The following ITGB6 variants were observed in gnomAD, a reference collection of about 807,000 sequenced individuals.
ITGB6 encodes the protein integrin beta-6.
In ITGB6, 80 loss-of-function variants were observed where a neutral mutation model predicts 84.5. That is an observed-to-expected ratio of 0.95 (90% CI 0.79 to 1.14). The LOEUF is 1.14. ITGB6 is among the 50% of genes most tolerant of loss of function. ITGB6 has a pLI of 0.00. For missense variants in ITGB6, 1,006 were observed against 968.0 expected (o/e 1.04, Z -0.52); for synonymous variants, 383 against 354.9 (o/e 1.08, Z -0.89).
intron 10 of ITGB6, among the ~76,000 whole-genome samples, chr2:160,130,423 T>C (rs1574064048): frequency 6.6e-6 from 1 of 152,128 alleles, no homozygotes; most frequent in East Asian, 1.9e-4. Flanking sequence ...ATAAACTCAT[T>C]GTAAAATGTA....
chr2:160,124,593 T>A (rs570295761), intron 11 of ITGB6, among the ~76,000 whole-genome samples: 7 of 152,232 alleles, frequency 4.6e-5, no homozygotes, highest in Non-Finnish European at 1.0e-4. Flanking sequence ...AATCTTGTGC[T>A]GAAAATCACT....
chr2:160,158,674 G>C (rs1307552207), intron 7 of ITGB6, among the ~76,000 whole-genome samples: 1 of 152,190 alleles, frequency 6.6e-6, no homozygotes, highest in African/African-American at 2.4e-5. Context: ...TGACTAGTAG[G>C]AAGAAAATGA....
intron 7 of ITGB6, among the ~76,000 whole-genome samples, chr2:160,147,245 C>T (rs1220811230): frequency 1.3e-5 from 2 of 152,118 alleles, no homozygotes; most frequent in African/African-American, 4.8e-5. Context: ...GCCTCCCAGT[C>T]ATTACTCCTC....
chr2:160,141,950 G>A (rs369670183), intron 8 of ITGB6, 32 bp downstream of exon 8: 44 of 1,360,994 alleles, frequency 3.2e-5, no homozygotes, highest in African/African-American at 3.2e-4. Context: ...CCAAAGAAAT[G>A]CAAAAAAGAA....
intron 4 of ITGB6, chr2:160,179,110 C>T (rs1574127269): frequency 1.3e-5 from 2 of 152,048 alleles, no homozygotes; most frequent in East Asian, 3.9e-4. Context: ...ATTTAAAATG[C>T]AAAATAATGA....
At chr2:160,165,925 G>A (rs1684984245) in intron 7 of ITGB6, among the ~76,000 whole-genome samples, 1 of 152,222 alleles carries the variant, frequency 6.6e-6, no homozygotes, top group Non-Finnish European at 1.5e-5. Context: ...ATCTTAACAA[G>A]TGCTTGTCAC....
chr2:160,123,631 T>C (rs376308633), intron 12 of ITGB6, among the ~76,000 whole-genome samples, 160 bp downstream of exon 12: 1 of 152,150 alleles, frequency 6.6e-6, no homozygotes, highest in Admixed American at 6.5e-5. Flanking sequence ...TTTCTAGTCT[T>C]ATAGGATGCA....
At chr2:160,199,981 T>TA (rs1481644724) in intron 1 of ITGB6, 22 bp downstream of exon 1, 1 of 1,588,232 alleles carries the variant, frequency 6.3e-7, no homozygotes, top group East Asian at 2.2e-5. Context: ...GAAAGTAATA[T>TA]ATCAGAGAAC....
chr2:160,135,041 G>A (rs1683645321), intron 10 of ITGB6, among the ~76,000 whole-genome samples: 1 of 152,192 alleles, frequency 6.6e-6, no homozygotes, highest in South Asian at 2.1e-4. Context: ...CATAGTGTTG[G>A]AAGTTCTGGT....
At chr2:160,133,745 C>A (rs561064793) in intron 10 of ITGB6, among the ~76,000 whole-genome samples, 13 of 152,028 alleles carry the variant, frequency 8.6e-5, no homozygotes, top group African/African-American at 2.2e-4. Flanking sequence ...CTCAGGATTA[C>A]GAAACTCACT....
intron 3 of ITGB6, 23 bp from the exon 4 acceptor site, chr2:160,195,638 C>A (rs756688666): frequency 6.2e-7 from 1 of 1,612,318 alleles, no homozygotes; most frequent in Non-Finnish European, 8.5e-7. Flanking sequence ...ACAGGAAAAG[C>A]AAACCCAGGA....
intron 10 of ITGB6, among the ~76,000 whole-genome samples, chr2:160,135,558 T>A (rs10211552): frequency 0.022 from 3,309 of 150,598 alleles, 78 homozygotes; most frequent in African/African-American, 0.049. Context: ...AACTACTTTA[T>A]AGTTCATATG....
Position 160,172,599 on chromosome 2 carries a change from G to T in ITGB6, c.891C>A (p.Ser297Arg), listed in dbSNP as rs768415795. Residue 297 changes from serine (S) to arginine (R), a missense_variant, in exon 6 of 15, where the codon AGC becomes AGA. Physicochemically the swap from Ser to Arg is moderately radical, Grantham distance 110 (BLOSUM62 -1). Coordinates refer to ENST00000283249, the MANE Select transcript of ITGB6 (RefSeq NM_000888.5). ...IPNDGLCHLDSKNEYSMSTVL... is the reference protein window; with the variant it reads ...IPNDGLCHLDRKNEYSMSTVL... ...CAGTTGACATGGAGTATTCATTCTT[G>T]CTGTCCAAGTGACAGAGCCCGTCAT... The T allele has an allele frequency of 2.3e-5, 37 of 1,609,302 alleles. No homozygotes were observed. The East Asian group carries it at 8.3e-4, about 36-fold the overall frequency.
In ITGB6 at chr2:160,200,040, C is replaced by A. The variant is rs758474061; in HGVS notation, c.24G>T (p.Leu8=). Residue 8 remains leucine (L), a synonymous_variant, in exon 1 of 15, where the codon CTG becomes CTT. Coordinates refer to ENST00000283249, the MANE Select transcript of ITGB6 (RefSeq NM_000888.5). The stretch of plus-strand genomic sequence containing the variant: ...CATTCCTTCCTAGAAATAGAAAGAA[C>A]AGGCAAAGCAGTTCAATCCCCATTC... MGIELLC[L]FFLFLGRNDH... The A allele has an allele frequency of 2.5e-6, 4 of 1,613,856 alleles. No individual in the cohort carries two copies. The Admixed American group carries it at 6.7e-5, about 27-fold the overall frequency.
chr2:160,117,781 G>A (rs574311946), intron 12 of ITGB6, among the ~76,000 whole-genome samples: 1 of 152,176 alleles, frequency 6.6e-6, no homozygotes, highest in South Asian at 2.1e-4. Flanking sequence ...GACTAATAAA[G>A]AAGAAAAGAG....
chr2:160,158,767 T>C (rs1253270585), intron 7 of ITGB6, among the ~76,000 whole-genome samples: 1 of 152,186 alleles, frequency 6.6e-6, no homozygotes, highest in Non-Finnish European at 1.5e-5. Context: ...GTGTGATTTG[T>C]GGACTGACAG....
intron 2 of ITGB6, among the ~76,000 whole-genome samples, chr2:160,198,733 A>G (rs1326715591): frequency 6.6e-6 from 1 of 152,248 alleles, no homozygotes; most frequent in Non-Finnish European, 1.5e-5. Context: ...CCCCAAACTT[A>G]AAACACATCC....
At chr2:160,101,922 T>G (rs777978884) in intron 14 of ITGB6, 88 bp from the exon 15 acceptor site, 34 of 722,096 alleles carry the variant, frequency 4.7e-5, no homozygotes, top group Admixed American at 1.7e-4. Context: ...AAGAGGAGAG[T>G]CAAGCTCAGT....
chr2:160,142,155 T>A (rs2105825156), intron 7 of ITGB6, 84 bp from the exon 8 acceptor site: 1 of 796,080 alleles, frequency 1.3e-6, no homozygotes, highest in Non-Finnish European at 2.0e-6. Context: ...TGGCTATGAT[T>A]GCCTCTATTT....
Sources: allele counts gnomAD v4.1 joint callset (sites outside exome capture counted in the v4.1 genomes callset), GRCh38; gene constraint gnomAD v4.1.1; transcripts MANE v1.5; gene names NCBI Gene and HGNC (gene_info 2026-07-23, HGNC 2026-07-21).